Variants in SLC29A3 observed in about 807,000 individuals in gnomAD.
SLC29A3 encodes the protein solute carrier family 29 member 3.
SLC29A3 carries 18 observed loss-of-function variants against 25.4 expected under a neutral mutation model. The observed-to-expected ratio is 0.71, with a 90% CI of 0.49 to 1.05. The LOEUF is 1.05. Ranked by LOEUF, SLC29A3 falls within the 50% of genes least tolerant of loss-of-function variation. SLC29A3 has a pLI of 0.00. For synonymous variants in SLC29A3, 258 were observed against 267.1 expected, an observed-to-expected ratio of 0.97 and a Z score of 0.33; for missense variants, 586 against 609.0, an observed-to-expected ratio of 0.96 and a Z score of 0.40.
At chr10:71,328,394 G>T (rs564243049) in intron 2 of SLC29A3, among the ~76,000 whole-genome samples, 2 of 152,188 alleles carry the variant, frequency 1.3e-5, no homozygotes, top group Non-Finnish European at 1.5e-5. Context: ...TCCCCATCAC[G>T]TTCCTGCCCT....
intron 2 of SLC29A3, among the ~76,000 whole-genome samples, chr10:71,332,128 TTC>T (rs1169252700): frequency 6.6e-6 from 1 of 151,334 alleles, no homozygotes; most frequent in Non-Finnish European, 1.5e-5. Context: ...TTCTTTTTTC[TTC>T]TCTTTTCTTT....
At chr10:71,327,867 T>G (rs976364460) in intron 2 of SLC29A3, among the ~76,000 whole-genome samples, 1 of 151,998 alleles carries the variant, frequency 6.6e-6, no homozygotes, top group African/African-American at 2.4e-5. Context: ...CTACCTGACC[T>G]GTTTAGCTGG....
At chr10:71,349,759 C>G (rs1846701666) in intron 3 of SLC29A3, among the ~76,000 whole-genome samples, 1 of 152,208 alleles carries the variant, frequency 6.6e-6, no homozygotes, top group Admixed American at 6.5e-5. Context: ...CAGCCAGAGT[C>G]CATTTGCAGC....
downstream of SLC29A3, chr10:71,365,239 A>G (rs1847160317): frequency 6.6e-6 from 1 of 152,314 alleles, no homozygotes; most frequent in Admixed American, 6.5e-5. Flanking sequence ...CTCAAAAAGA[A>G]AAAAAGAAAG....
intron 2 of SLC29A3, among the ~76,000 whole-genome samples, chr10:71,334,396 G>A (rs1392019791): frequency 6.6e-6 from 1 of 152,198 alleles, no homozygotes; most frequent in Non-Finnish European, 1.5e-5. Context: ...TCTGGACTGG[G>A]AACACTCACT....
chr10:71,361,301 G>T (rs1847046489), intron 5 of SLC29A3, among the ~76,000 whole-genome samples: 1 of 152,112 alleles, frequency 6.6e-6, no homozygotes, highest in South Asian at 2.1e-4. Context: ...ACCACACCTG[G>T]CTAATTTCTT....
chr10:71,330,434 G>A (rs1846091147), intron 2 of SLC29A3, among the ~76,000 whole-genome samples: 1 of 152,218 alleles, frequency 6.6e-6, no homozygotes, highest in Non-Finnish European at 1.5e-5. Context: ...AAAGTCACAG[G>A]ATATCTATTT....
rs1209397951 is a variant in SLC29A3 at position 71,356,085 on chromosome 10, A to G, written c.615A>G (p.Gly205=). ...CGTGTCCTCTGTTCTCTGCAGGAGG[A>G]GCCATGGGCGGGACGGTCAGCGCCG... is the stretch of plus-strand genomic sequence containing the variant. ...MRNSQALISG[G]AMGGTVSAVA... is the part of the protein sequence containing the mutation. Residue 205 remains glycine, a synonymous_variant, in exon 5 of 6, where the codon GGA becomes GGG. Coordinates refer to ENST00000373189, the MANE Select transcript of SLC29A3 (RefSeq NM_018344.6). 6.2e-7 allele frequency: 1 copy of G among 1,613,890 alleles called. No individual in the cohort carries two copies. The highest frequency in any genetic ancestry group is 2.2e-5 in the East Asian group (1 of 44,884).
At chr10:71,346,434 C>T (rs943743692) in intron 3 of SLC29A3, among the ~76,000 whole-genome samples, 44 of 152,276 alleles carry the variant, frequency 2.9e-4, no homozygotes, top group African/African-American at 1.0e-3. Flanking sequence ...TGCAGTGGCT[C>T]AAACCTGTAA....
chr10:71,337,473 A>G (rs1846282682), intron 2 of SLC29A3, among the ~76,000 whole-genome samples: 1 of 152,206 alleles, frequency 6.6e-6, no homozygotes, highest in Non-Finnish European at 1.5e-5. Context: ...TGATCCAGGT[A>G]ACGCTCTGCT....
At chr10:71,323,448 C>T (rs1255741733) in intron 2 of SLC29A3, among the ~76,000 whole-genome samples, 1 of 152,254 alleles carries the variant, frequency 6.6e-6, no homozygotes, top group Non-Finnish European at 1.5e-5. Context: ...ATGGCCAAGG[C>T]CACCTCATAG....
chr10:71,365,317 G>A (rs1847161325), downstream of SLC29A3: 1 of 152,236 alleles, frequency 6.6e-6, no homozygotes, highest in Non-Finnish European at 1.5e-5. Context: ...CTCAGAGATG[G>A]GGACCATCTT....
At chr10:71,355,488 T>G (rs1235125849) in intron 4 of SLC29A3, among the ~76,000 whole-genome samples, 1 of 152,200 alleles carries the variant, frequency 6.6e-6, no homozygotes, top group Non-Finnish European at 1.5e-5. Context: ...CACATGTGCA[T>G]GGTGCCACAG....
At chr10:71,326,813 A>AACT (rs1415229007) in intron 2 of SLC29A3, among the ~76,000 whole-genome samples, 1 of 152,174 alleles carries the variant, frequency 6.6e-6, no homozygotes, top group Admixed American at 6.5e-5. Context: ...TAGTACCTTC[A>AACT]GCTGCCCGGA....
At chr10:71,334,322 C>T (rs549945608) in intron 2 of SLC29A3, among the ~76,000 whole-genome samples, 10 of 152,362 alleles carry the variant, frequency 6.6e-5, no homozygotes, top group Admixed American at 3.3e-4. Flanking sequence ...GAAGGCCGAC[C>T]GCGTTCCAGT....
chr10:71,325,184 G>A (rs1845938222), intron 2 of SLC29A3, among the ~76,000 whole-genome samples: 1 of 152,162 alleles, frequency 6.6e-6, no homozygotes, highest in Non-Finnish European at 1.5e-5. Flanking sequence ...GGAAATCCTT[G>A]GCCTCGCCCT....
At position 71,362,222 on chromosome 10, in the gene SLC29A3, C is replaced by A. The variant is rs767362926; in HGVS notation, c.1042C>A (p.Pro348Thr). 2 of 1,614,030 alleles carry A rather than the reference C, an allele frequency of 1.2e-6. No homozygotes were observed. Among genetic ancestry groups the A allele is most frequent in the African/African-American group, 2.7e-5 (2 of 74,906 alleles). Residue 348 changes from proline (P) to threonine (T), a missense_variant, in exon 6 of 6, where the codon CCC (proline) becomes ACC (threonine). Coordinates refer to ENST00000373189, the MANE Select transcript of SLC29A3 (RefSeq NM_018344.6). ...GSLWTTKFFIPLTTFLLYNFA... is the reference protein window; with the variant it reads ...GSLWTTKFFITLTTFLLYNFA... ...ACTGTGGACCACCAAGTTTTTCATC[C>A]CCCTCACTACCTTCCTCCTGTACAA...
chr10:71,330,249 A>G (rs1399848984), intron 2 of SLC29A3, among the ~76,000 whole-genome samples: 1 of 152,220 alleles, frequency 6.6e-6, no homozygotes, highest in Non-Finnish European at 1.5e-5. Flanking sequence ...GCTCCTGGAA[A>G]AGGAGTGATA....
At chr10:71,329,357 C>T (rs1846065755) in intron 2 of SLC29A3, among the ~76,000 whole-genome samples, 1 of 150,684 alleles carries the variant, frequency 6.6e-6, no homozygotes, top group African/African-American at 2.5e-5. Context: ...ACCCAGGAGG[C>T]TGAGGCAGGA....
Sources: gnomAD v4.1 joint callset for allele counts (sites outside exome capture counted in the v4.1 genomes callset) on GRCh38, gnomAD v4.1.1 for gene constraint, MANE v1.5 for transcripts, NCBI Gene and HGNC (gene_info 2026-07-23, HGNC 2026-07-21) for gene names.